Variants in UBASH3B observed in about 807,000 individuals in gnomAD.
UBASH3B encodes ubiquitin-associated and SH3 domain-containing protein B.
UBASH3B carries 37 observed loss-of-function variants against 83.4 expected under a neutral mutation model. The ratio of observed to expected loss-of-function variants is 0.44; its 90% CI spans 0.34 to 0.58. The LOEUF is 0.58. Ranked by LOEUF, UBASH3B falls within the 20% of genes least tolerant of loss-of-function variation. The pLI, the probability that UBASH3B is intolerant of heterozygous loss-of-function variation, is 0.01. For synonymous variants in UBASH3B, 304 were observed against 318.3 expected, an observed-to-expected ratio of 0.96 and a Z score of 0.48; for missense variants, 657 against 827.2, an observed-to-expected ratio of 0.79 and a Z score of 2.52.
chr11:122,758,662 C>T lies in UBASH3B; in HGVS notation c.162-17557C>T, dbSNP rs1016051092. On this transcript the variant is annotated intron_variant, in intron 1 of 13. Coordinates refer to ENST00000284273, the MANE Select transcript of UBASH3B (RefSeq NM_032873.5). The surrounding 1 kb of genome is among the most constrained non-coding windows in gnomAD (Gnocchi z 4.2). ...TGAGATTAGATGGGTTAGGTCTGTGCGATTATAAGTAGATGCACCTGCCAC... is the reference window on the plus strand; with the variant it reads ...TGAGATTAGATGGGTTAGGTCTGTGTGATTATAAGTAGATGCACCTGCCAC... Among the ~76,000 whole-genome samples the T allele has an allele frequency of 6.6e-6, 1 of 152,116 alleles. No homozygotes were observed. Among genetic ancestry groups the T allele is most frequent in the Non-Finnish European group, 1.5e-5 (1 of 68,020 alleles).
chr11:122,782,814 C>T (rs990679212), intron 4 of UBASH3B: 4 of 469,580 alleles, frequency 8.5e-6, no homozygotes, highest in African/African-American at 5.9e-5. Flanking sequence ...TCAGCTGACC[C>T]GCAGCTCCTA....
At chr11:122,704,860 G>A (rs968700442) in intron 1 of UBASH3B, among the ~76,000 whole-genome samples, 4 of 152,024 alleles carry the variant, frequency 2.6e-5, no homozygotes, top group East Asian at 1.9e-4. Context: ...TTTAAGGGCC[G>A]CACTTTCTCG....
chr11:122,803,546 G>T (rs536786058), intron 11 of UBASH3B, among the ~76,000 whole-genome samples: 2 of 143,726 alleles, frequency 1.4e-5, no homozygotes, highest in Middle Eastern at 3.2e-3. Flanking sequence ...CCAGGGCCTG[G>T]GGGGGTTGAA....
intron 1 of UBASH3B, among the ~76,000 whole-genome samples, chr11:122,674,723 A>AT (rs1565524760): frequency 3.6e-5 from 4 of 110,260 alleles, no homozygotes; most frequent in Non-Finnish European, 7.3e-5. Flanking sequence ...CTCTGCAGTT[A>AT]GTTTTTTTTT....
intron 1 of UBASH3B, among the ~76,000 whole-genome samples, chr11:122,685,284 A>C (rs1345249453): frequency 2.0e-5 from 3 of 152,166 alleles, no homozygotes; most frequent in Non-Finnish European, 4.4e-5. Context: ...GAGAGCAAAG[A>C]CCTTGACTGT....
At chr11:122,693,353 A>G (rs111814319) in intron 1 of UBASH3B, among the ~76,000 whole-genome samples, 1,632 of 152,310 alleles carry the variant, frequency 0.011, 25 homozygotes, top group African/African-American at 0.037. Flanking sequence ...GAGGCCTGAC[A>G]ATAAGTGTGT....
chr11:122,795,802 C>T (rs4935815), intron 7 of UBASH3B, among the ~76,000 whole-genome samples: 76,127 of 151,970 alleles, frequency 0.5, 21,374 homozygotes, highest in African/African-American at 0.75. Flanking sequence ...GGGGAAGGTG[C>T]CCCACTAGAT....
intron 4 of UBASH3B, 116 bp from the exon 5 acceptor site, chr11:122,782,937 C>T: frequency 7.8e-7 from 1 of 1,277,080 alleles, no homozygotes; most frequent in Non-Finnish European, 1.1e-6. Context: ...CTTTTGTCTT[C>T]TTTGTTATGT....
intron 1 of UBASH3B, among the ~76,000 whole-genome samples, chr11:122,665,711 A>G (rs1863507124): frequency 6.6e-6 from 1 of 152,250 alleles, no homozygotes; most frequent in African/African-American, 2.4e-5. Flanking sequence ...AGGCAATTAC[A>G]GTGGTGGGGA....
intron 1 of UBASH3B, among the ~76,000 whole-genome samples, chr11:122,665,191 C>T (rs1042095080): frequency 5.9e-5 from 9 of 152,140 alleles, no homozygotes; most frequent in African/African-American, 2.2e-4. Context: ...GCCACTGCGC[C>T]CGGCTCGTGT....
chr11:122,767,287 C>T (rs1409924521), intron 1 of UBASH3B, among the ~76,000 whole-genome samples: 1 of 127,754 alleles, frequency 7.8e-6, no homozygotes, highest in East Asian at 2.2e-4. Context: ...AAAAAGTAAT[C>T]TCTGATAGTA....
At chr11:122,662,972 C>CT (rs568564848) in intron 1 of UBASH3B, among the ~76,000 whole-genome samples, 1,272 of 110,550 alleles carry the variant, frequency 0.012, 36 homozygotes, top group African/African-American at 0.018. Flanking sequence ...GCGCTAATGT[C>CT]TTTTTTTTTT....
At chr11:122,729,861 C>G (rs189500780) in intron 1 of UBASH3B, among the ~76,000 whole-genome samples, 213 of 147,504 alleles carry the variant, frequency 1.4e-3, no homozygotes, top group African/African-American at 5.0e-3. Flanking sequence ...TACCTGAGGT[C>G]CCAGCTTCTT....
chr11:122,683,082 C>A (rs917810003), intron 1 of UBASH3B, among the ~76,000 whole-genome samples: 16 of 151,892 alleles, frequency 1.1e-4, no homozygotes, highest in Non-Finnish European at 2.4e-4. Flanking sequence ...AAGACCCCAT[C>A]TCTACAAAAA....
chr11:122,724,908 G>A (rs1860705168), intron 1 of UBASH3B, among the ~76,000 whole-genome samples: 1 of 152,124 alleles, frequency 6.6e-6, no homozygotes, highest in Non-Finnish European at 1.5e-5. Context: ...GGGACTCACT[G>A]GGAGTGTTCG....
intron 1 of UBASH3B, among the ~76,000 whole-genome samples, chr11:122,774,700 G>GAATC (rs751090825): frequency 1.3e-5 from 2 of 152,188 alleles, no homozygotes; most frequent in East Asian, 1.9e-4. Flanking sequence ...CAAGGATCCT[G>GAATC]AATCAACGTA....
chr11:122,693,467 C>T (rs961112009), intron 1 of UBASH3B, among the ~76,000 whole-genome samples: 3 of 152,072 alleles, frequency 2.0e-5, no homozygotes, highest in Non-Finnish European at 4.4e-5. Flanking sequence ...TAGAGTTGAC[C>T]AGTTGGAGGA....
intron 1 of UBASH3B, among the ~76,000 whole-genome samples, chr11:122,775,129 G>C (rs1860711689): frequency 6.6e-6 from 1 of 152,210 alleles, no homozygotes; most frequent in Admixed American, 6.5e-5. Context: ...CTAGAGCCTA[G>C]CACAGTGCTG....
rs777594297 is a variant in UBASH3B at position 122,798,996 on chromosome 11, C to T, written c.1412C>T (p.Ser471Phe). The T allele has an allele frequency of 6.2e-7, 1 of 1,614,122 alleles. No homozygotes were observed. Among genetic ancestry groups the T allele is most frequent in the Non-Finnish European group, 8.5e-7 (1 of 1,180,014 alleles). The change falls in exon 10 of 14, where the codon TCC becomes TTC. Residue 471 changes from serine to phenylalanine, a missense_variant. Physicochemically the swap from Ser to Phe is radical, Grantham distance 155 (BLOSUM62 -2). This residue lies in a region of UBASH3B where 573 missense variants were observed against 739.0 expected (regional missense o/e 0.78). Coordinates refer to ENST00000284273, the MANE Select transcript of UBASH3B (RefSeq NM_032873.5). ...TIIDHVYCSP[S>F]LRCVQTAHNI... ...ATCGATCATGTCTATTGCTCCCCGT[C>T]CCTTCGCTGCGTTCAGACTGCACAC...
Sources: allele counts gnomAD v4.1 joint callset (sites outside exome capture counted in the v4.1 genomes callset), GRCh38; gene constraint gnomAD v4.1.1; regional missense constraint gnomAD v4.1.1; non-coding constraint Gnocchi (gnomAD v3.1); transcripts MANE v1.5; gene names NCBI Gene and HGNC (gene_info 2026-07-23, HGNC 2026-07-21).